The following ZMYND8 variants were observed in gnomAD, a reference collection of about 807,000 sequenced individuals.
ZMYND8 encodes zinc finger MYND-type containing 8, also known as MYND-type zinc finger-containing chromatin reader ZMYND8.
A neutral mutation model predicts 140.8 loss-of-function variants in ZMYND8; 37 were observed. The ratio of observed to expected loss-of-function variants is 0.26; its 90% CI spans 0.20 to 0.35. The LOEUF is 0.35. ZMYND8 is among the 10% of genes least tolerant of loss of function. The pLI, the probability that ZMYND8 is intolerant of heterozygous loss-of-function variation, is 1.00. For missense variants in ZMYND8, 1,068 were observed against 1,570.0 expected, an observed-to-expected ratio of 0.68 and a Z score of 5.40; for synonymous variants, 592 against 597.1, an observed-to-expected ratio of 0.99 and a Z score of 0.12.
At chr20:47,292,495 A>G (rs535632418) in intron 5 of ZMYND8, among the ~76,000 whole-genome samples, 1 of 152,144 alleles carries the variant, frequency 6.6e-6, no homozygotes, top group South Asian at 2.1e-4. Flanking sequence ...TTTTGTTTAA[A>G]AGAGTCCAAT....
At chr20:47,354,613 T>C (rs1443619931) in intron 1 of ZMYND8, 1 of 152,202 alleles carries the variant, frequency 6.6e-6, no homozygotes, top group African/African-American at 2.4e-5. Flanking sequence ...AATGAGCCTT[T>C]TTCCAATTCG....
At position 47,272,534 on chromosome 20, in the gene ZMYND8, A is replaced by G. The variant is rs76449865; in HGVS notation, c.1480+3780T>C. Among the ~76,000 whole-genome samples the G allele has an allele frequency of 7.2e-4, 110 of 152,266 alleles. No individual in the cohort carries two copies. The East Asian group carries it at 0.019, about 26-fold the overall frequency. ...CAAACAAATACCGGTGAAGGTAACC[A>G]TTCTGGCCAGGAGGTCTATATAAAG... On this transcript the variant is annotated intron_variant, in intron 11 of 22. Coordinates refer to ENST00000471951, the MANE Select transcript of ZMYND8 (RefSeq NM_001281775.3).
At chr20:47,287,084 A>C in intron 8 of ZMYND8, 145 bp downstream of exon 8, 1 of 652,882 alleles carries the variant, frequency 1.5e-6, no homozygotes, top group East Asian at 2.7e-5. Context: ...TGTTCTTTTT[A>C]CTTTCCTTGA....
intron 19 of ZMYND8, among the ~76,000 whole-genome samples, chr20:47,222,257 C>T (rs1009661102): frequency 3.3e-5 from 5 of 152,172 alleles, no homozygotes; most frequent in Non-Finnish European, 5.9e-5. Flanking sequence ...CGTTTGGGGC[C>T]GGGTGCGGCG....
chr20:47,320,245 ACCAAGGTCCCCAT>A (rs1293118361), intron 2 of ZMYND8: 2 of 152,212 alleles, frequency 1.3e-5, no homozygotes, highest in East Asian at 3.9e-4. Context: ...CTGCTAACCA[ACCAAGGTCCCCAT>A]CTGCCCTGGA....
intron 19 of ZMYND8, 128 bp downstream of exon 19, chr20:47,224,189 T>C: frequency 6.9e-7 from 1 of 1,454,146 alleles, no homozygotes; most frequent in Non-Finnish European, 9.2e-7. Flanking sequence ...CAATTGTTTT[T>C]GAGTGAAAGT....
chr20:47,307,726 C>T (rs1048864610), intron 3 of ZMYND8, among the ~76,000 whole-genome samples: 2 of 151,970 alleles, frequency 1.3e-5, no homozygotes, highest in Middle Eastern at 3.4e-3. Context: ...TACGTGGAGG[C>T]TGAGACACAA....
intron 2 of ZMYND8, among the ~76,000 whole-genome samples, chr20:47,344,660 A>G (rs1017116560): frequency 1.3e-5 from 2 of 152,236 alleles, no homozygotes; most frequent in African/African-American, 4.8e-5. Flanking sequence ...AAATTGATGC[A>G]TTATTTGTAA....
At chr20:47,256,303 G>T (rs1048248579) in intron 12 of ZMYND8, among the ~76,000 whole-genome samples, 3 of 151,392 alleles carry the variant, frequency 2.0e-5, no homozygotes, top group Admixed American at 2.0e-4. Context: ...AACATAGCGA[G>T]ACCCTGTCTC....
chr20:47,210,975 C>G (rs571572712), intron 22 of ZMYND8, 78 bp from the exon 23 acceptor site: 1 of 1,554,090 alleles, frequency 6.4e-7, no homozygotes, highest in Admixed American at 1.8e-5. Flanking sequence ...CTGACCTGCC[C>G]CTCCTGCACA....
In ZMYND8 at chr20:47,236,422, C is replaced by A. The variant is rs777443087; in HGVS notation, c.2760G>T (p.Gly920=). 6 of 1,614,116 alleles carry A rather than the reference C, an allele frequency of 3.7e-6. No homozygotes were observed. The Admixed American group carries it at 8.3e-5, about 22-fold the overall frequency. The part of the protein sequence containing the change: ...TQSSPLVTSS[G]SMSTLVSSVN... ...CTGAGGACACAAGGGTGCTCATGGACCCCGAGCTGGTGACCAGGGGCGATG... is the reference window on the plus strand; with the variant it reads ...CTGAGGACACAAGGGTGCTCATGGAACCCGAGCTGGTGACCAGGGGCGATG... Residue 920 remains glycine, a synonymous_variant, in exon 16 of 23, where the codon GGG becomes GGT. Transcript: ENST00000471951.
At chr20:47,316,832 T>C (rs1404712088) in intron 2 of ZMYND8, among the ~76,000 whole-genome samples, 1 of 151,996 alleles carries the variant, frequency 6.6e-6, no homozygotes, top group Non-Finnish European at 1.5e-5. Context: ...AGAGTTTCTT[T>C]TATTATATGT....
intron 11 of ZMYND8, among the ~76,000 whole-genome samples, chr20:47,266,364 C>T (rs2075526343): frequency 1.3e-5 from 2 of 152,130 alleles, no homozygotes; most frequent in Non-Finnish European, 2.9e-5. Context: ...ACAGCAACCT[C>T]CACCTCCCGG....
At chr20:47,283,525 G>A in intron 9 of ZMYND8, 46 bp downstream of exon 9, 1 of 1,603,362 alleles carries the variant, frequency 6.2e-7, no homozygotes, top group African/African-American at 1.3e-5. Flanking sequence ...AGTCATCCAA[G>A]GCACAGGGTT....
rs191162415 is a variant in ZMYND8 at position 47,219,179 on chromosome 20, T to A, written c.3484+1079A>T. Among the ~76,000 whole-genome samples, 753 of 148,672 alleles carry A rather than the reference T, an allele frequency of 5.1e-3. 1 individual carries two copies. The highest frequency in any genetic ancestry group is 7.8e-3 in the Non-Finnish European group (528 of 67,324). On this transcript the variant is annotated intron_variant, in intron 21 of 22. Transcript: ENST00000471951. ...TTCAAGCGATTCTCCTGCCTCAGCC[T>A]CCCAAGTAGCTGGGATTACAGGCGC...
At chr20:47,275,522 A>G (rs1218771217) in intron 11 of ZMYND8, among the ~76,000 whole-genome samples, 1 of 151,332 alleles carries the variant, frequency 6.6e-6, no homozygotes, top group Non-Finnish European at 1.5e-5. Context: ...CAACACAACT[A>G]TTAAAGGATA....
At chr20:47,227,375 G>A (rs949145219) in intron 17 of ZMYND8, 94 bp from the exon 18 acceptor site, 138 of 1,204,284 alleles carry the variant, frequency 1.1e-4, no homozygotes, top group Non-Finnish European at 1.6e-4. Flanking sequence ...TGAGGGGTAT[G>A]GGAATCATGC....
At chr20:47,250,456 A>G (rs747391480) in intron 12 of ZMYND8, among the ~76,000 whole-genome samples, 8 of 152,106 alleles carry the variant, frequency 5.3e-5, no homozygotes, top group East Asian at 3.9e-4. Flanking sequence ...ATAAGTCAGA[A>G]AGCAGGTGGA....
At chr20:47,350,673 A>G (rs1322259425) in intron 1 of ZMYND8, among the ~76,000 whole-genome samples, 1 of 152,222 alleles carries the variant, frequency 6.6e-6, no homozygotes, top group Non-Finnish European at 1.5e-5. Context: ...CTGCATCTGG[A>G]GAAAATACTC....
Sources: gnomAD v4.1 joint callset for allele counts (sites outside exome capture counted in the v4.1 genomes callset) on GRCh38, gnomAD v4.1.1 for gene constraint, MANE v1.5 for transcripts, NCBI Gene and HGNC (gene_info 2026-07-23, HGNC 2026-07-21) for gene names.